KCNK2: variants seen among roughly 807,000 people sequenced by gnomAD.
KCNK2 encodes the protein potassium two pore domain channel subfamily K member 2, also known as potassium channel subfamily K member 2.
A neutral mutation model predicts 40.5 loss-of-function variants in KCNK2; 21 were observed. That is an observed-to-expected ratio of 0.52 (90% CI 0.37 to 0.75). The LOEUF (loss-of-function observed/expected upper bound fraction) is 0.75. Ranked by LOEUF, KCNK2 falls within the 30% of genes least tolerant of loss-of-function variation. The pLI is 0.00. For missense variants in KCNK2, 399 were observed against 531.6 expected, an observed-to-expected ratio of 0.75 and a Z score of 2.45; for synonymous variants, 191 against 202.2, an observed-to-expected ratio of 0.94 and a Z score of 0.47.
intron 6 of KCNK2, among the ~76,000 whole-genome samples, chr1:215,209,394 ATATATAAAATATGCATATAT>A (rs1250034054): frequency 1.0e-4 from 7 of 68,700 alleles, no homozygotes; most frequent in Admixed American, 5.5e-4. Context: ...TATATATATT[ATATATAAAATATGCATATAT>A]TATATATAAT....
chr1:215,025,385 T>G (rs1309768708), intron 1 of KCNK2, among the ~76,000 whole-genome samples: 1 of 152,074 alleles, frequency 6.6e-6, no homozygotes, highest in Non-Finnish European at 1.5e-5. Context: ...AGTATAACAT[T>G]TTCTTTCCTT....
In KCNK2 at chr1:215,234,886, A is replaced by G. The variant is rs764785599; in HGVS notation, c.1022A>G (p.Lys341Arg). 2 of 1,614,148 alleles carry G rather than the reference A, an allele frequency of 1.2e-6. No homozygotes were observed. The highest frequency in any genetic ancestry group is 1.7e-6 in the Non-Finnish European group (2 of 1,180,012). ...ACAGCCAACGTCACAGCCGAATTCA[A>G]AGAAACCAGGAGGCGACTGAGTGTG... Reference protein sequence around the residue: ...EWTANVTAEFKETRRRLSVEI... With the variant: ...EWTANVTAEFRETRRRLSVEI... The change falls in exon 7 of 7, where the codon AAA becomes AGA. Residue 341 changes from lysine (K) to arginine (R), a missense_variant. By Grantham distance (26) the Lys-to-Arg change is conservative. Coordinates refer to ENST00000444842, the MANE Select transcript of KCNK2 (RefSeq NM_001017425.3).
intron 1 of KCNK2, 145 bp downstream of exon 1, chr1:215,083,576 G>C (rs1659282690): frequency 1.5e-6 from 1 of 663,370 alleles, no homozygotes; most frequent in Admixed American, 2.3e-5. Context: ...GTCATAATCT[G>C]GATTTGGAGG....
chr1:215,189,886 A>G (rs1664596068), intron 5 of KCNK2, among the ~76,000 whole-genome samples: 1 of 152,172 alleles, frequency 6.6e-6, no homozygotes, highest in Admixed American at 6.5e-5. Flanking sequence ...AGTAAAGTCA[A>G]GTAAACCCCC....
At chr1:215,134,473 G>C (rs1279122955) in intron 3 of KCNK2, among the ~76,000 whole-genome samples, 2 of 152,110 alleles carry the variant, frequency 1.3e-5, no homozygotes. Flanking sequence ...GGGTGAGGAG[G>C]TTCCACAACC....
intron 4 of KCNK2, 28 bp from the exon 5 acceptor site, chr1:215,171,969 T>C (rs563245821): frequency 6.4e-5 from 95 of 1,489,508 alleles, no homozygotes; most frequent in African/African-American, 1.1e-4. Context: ...TATATATATA[T>C]ACACACACCT....
At chr1:215,070,709 G>A (rs919059881) in intron 1 of KCNK2, among the ~76,000 whole-genome samples, 1 of 152,094 alleles carries the variant, frequency 6.6e-6, no homozygotes, top group Non-Finnish European at 1.5e-5. Flanking sequence ...GAGAGCTACG[G>A]TTCAAGATGA....
At chr1:215,076,949 T>C (rs1028265130) in intron 1 of KCNK2, among the ~76,000 whole-genome samples, 1 of 152,234 alleles carries the variant, frequency 6.6e-6, no homozygotes, top group East Asian at 1.9e-4. Flanking sequence ...CATGGAGGAT[T>C]GGTCAAATGT....
intron 2 of KCNK2, among the ~76,000 whole-genome samples, chr1:215,107,347 C>G (rs4571941): frequency 0.76 from 115,124 of 151,858 alleles, 44,010 homozygotes; most frequent in African/African-American, 0.78. Context: ...TTTTGTATGG[C>G]TATTGTAAAT....
chr1:215,181,780 G>A (rs952630926), intron 5 of KCNK2, among the ~76,000 whole-genome samples: 5 of 152,152 alleles, frequency 3.3e-5, no homozygotes, highest in Admixed American at 6.5e-5. Flanking sequence ...CTTTTTTAAC[G>A]GGAATATCTT....
intron 3 of KCNK2, among the ~76,000 whole-genome samples, chr1:215,158,717 AAAAC>A (rs746471375): frequency 4.6e-5 from 7 of 152,176 alleles, no homozygotes; most frequent in Non-Finnish European, 8.8e-5. Context: ...GTCTTATGCA[AAAAC>A]AAACAAACAA....
chr1:215,039,281 C>T (rs1657486654), intron 1 of KCNK2, among the ~76,000 whole-genome samples: 1 of 152,038 alleles, frequency 6.6e-6, no homozygotes, highest in Non-Finnish European at 1.5e-5. Flanking sequence ...TGAATATACT[C>T]CTCTTTTAAC....
At chr1:215,027,783 G>T (rs960764014) in intron 1 of KCNK2, among the ~76,000 whole-genome samples, 1 of 152,124 alleles carries the variant, frequency 6.6e-6, no homozygotes, top group Non-Finnish European at 1.5e-5. Context: ...TTAAAAGGAG[G>T]TTTGATAGAC....
At chr1:215,230,260 T>G (rs1367394226) in intron 6 of KCNK2, among the ~76,000 whole-genome samples, 1 of 150,466 alleles carries the variant, frequency 6.6e-6, no homozygotes, top group Non-Finnish European at 1.5e-5. Context: ...ACGCTTAGGC[T>G]GTATACTATA....
intron 6 of KCNK2, among the ~76,000 whole-genome samples, chr1:215,206,675 C>T (rs973655594): frequency 6.6e-6 from 1 of 152,062 alleles, no homozygotes; most frequent in Non-Finnish European, 1.5e-5. Flanking sequence ...TCATGTGTCC[C>T]TCTAAGACTG....
At chr1:215,180,987 G>A (rs1259501970) in intron 5 of KCNK2, among the ~76,000 whole-genome samples, 1 of 152,064 alleles carries the variant, frequency 6.6e-6, no homozygotes, top group Admixed American at 6.5e-5. Context: ...TCTCTCTCAG[G>A]AATGCCAATA....
chr1:215,086,346 C>T (rs1402117140), intron 1 of KCNK2, 22 bp from the exon 2 acceptor site: 1 of 1,601,280 alleles, frequency 6.2e-7, no homozygotes, highest in Admixed American at 1.7e-5. Flanking sequence ...CCAACCTAAC[C>T]CTCATTCTCT....
intron 6 of KCNK2, among the ~76,000 whole-genome samples, chr1:215,198,015 A>G (rs1377277158): frequency 2.6e-5 from 4 of 152,036 alleles, no homozygotes; most frequent in Non-Finnish European, 5.9e-5. Context: ...ACAAACAAAC[A>G]AACAAGCAAA....
At chr1:215,090,713 A>G (rs976041091) in intron 2 of KCNK2, among the ~76,000 whole-genome samples, 9 of 152,204 alleles carry the variant, frequency 5.9e-5, no homozygotes, top group African/African-American at 2.2e-4. Context: ...AATATCTTAT[A>G]GGACATTTGA....
Sources: gnomAD v4.1 joint callset for allele counts (sites outside exome capture counted in the v4.1 genomes callset) on GRCh38, gnomAD v4.1.1 for gene constraint, MANE v1.5 for transcripts, NCBI Gene and HGNC (gene_info 2026-07-23, HGNC 2026-07-21) for gene names.